Variants in STK35 observed in about 807,000 individuals in gnomAD.
The protein encoded by STK35 is serine/threonine-protein kinase 35.
In STK35, 17 loss-of-function variants were observed where a neutral mutation model predicts 37.3. That is an observed-to-expected ratio of 0.46 (90% CI 0.31 to 0.68). STK35 has a LOEUF of 0.68. STK35 is among the 30% of genes least tolerant of loss of function. The pLI is 0.05. For synonymous variants in STK35, 385 were observed against 319.1 expected, an observed-to-expected ratio of 1.21 and a Z score of -2.20; for missense variants, 595 against 746.7, an observed-to-expected ratio of 0.80 and a Z score of 2.37.
At position 2,117,120 on chromosome 20, in the gene STK35, A is replaced by G. The variant is rs1372973385; in HGVS notation, c.1347A>G (p.Glu449=). 1.2e-6 allele frequency: 2 copies of G among 1,613,816 alleles called. No individual in the cohort carries two copies. The highest frequency in any genetic ancestry group is 3.3e-5 in the Admixed American group (2 of 59,986). Residue 449 remains glutamate (E), a synonymous_variant, in exon 3 of 4, where the codon GAA becomes GAG. Coordinates refer to ENST00000381482, the MANE Select transcript of STK35 (RefSeq NM_080836.4). The surrounding 1 kb of genome is among the most constrained non-coding windows in gnomAD (Gnocchi z 4.4). ...ALGIIIWAMI[E]RITFIDSETK... ...GCATTATCATCTGGGCAATGATAGA[A>G]AGAATCACTTTTATTGACTCTGAGA...
chr20:2,121,552 A>T (rs562825857), intron 3 of STK35, among the ~76,000 whole-genome samples: 1 of 152,292 alleles, frequency 6.6e-6, no homozygotes, highest in South Asian at 2.1e-4. Flanking sequence ...TTAGAATCCA[A>T]CTACAGATGT....
intron 2 of STK35, among the ~76,000 whole-genome samples, chr20:2,111,212 C>G (rs76938250): frequency 2.2e-3 from 340 of 152,310 alleles, no homozygotes; most frequent in African/African-American, 7.4e-3. Flanking sequence ...CCATCGCCAA[C>G]CCCTCATGCC....
chr20:2,140,062 T>C (rs1475694074), intron 3 of STK35, among the ~76,000 whole-genome samples: 1 of 152,164 alleles, frequency 6.6e-6, no homozygotes, highest in Non-Finnish European at 1.5e-5. Flanking sequence ...GCAACTCTGG[T>C]GTGGGGCAAG....
At chr20:2,121,607 G>T (rs1568577298) in intron 3 of STK35, among the ~76,000 whole-genome samples, 1 of 152,186 alleles carries the variant, frequency 6.6e-6, no homozygotes, top group Non-Finnish European at 1.5e-5. Flanking sequence ...GAGGGGTCCA[G>T]CCTAGAGATA....
chr20:2,129,734 G>T lies in STK35; in HGVS notation c.*37+12319G>T, dbSNP rs576486720. Among the ~76,000 whole-genome samples, 4 of 152,254 alleles carry T rather than the reference G, an allele frequency of 2.6e-5. No homozygotes were observed. The South Asian group carries it at 8.3e-4, about 32-fold the overall frequency. ...AGAAAATAGCAGAAAATGAGGACCT[G>T]CCCAAGGCGGTCAGAGAAAGGCTCT... On this transcript the variant is annotated intron_variant, in intron 3 of 3. Transcript: ENST00000381482.
chr20:2,142,303 A>G (rs6112979), intron 3 of STK35, among the ~76,000 whole-genome samples: 49,801 of 151,716 alleles, frequency 0.33, 9,711 homozygotes, highest in East Asian at 0.92. Flanking sequence ...AGGCCAACAG[A>G]CAGTAAATTA....
At chr20:2,141,239 G>T (rs376020249) in intron 3 of STK35, among the ~76,000 whole-genome samples, 3 of 152,174 alleles carry the variant, frequency 2.0e-5, no homozygotes, top group African/African-American at 7.2e-5. Flanking sequence ...CAGGGAATAT[G>T]TTTATGATGA....
intron 3 of STK35, among the ~76,000 whole-genome samples, chr20:2,125,779 C>T (rs1053731980): frequency 5.9e-5 from 9 of 152,182 alleles, no homozygotes; most frequent in African/African-American, 1.4e-4. Flanking sequence ...CCCATATAAC[C>T]GAGGTCTGGC....
chr20:2,137,390 G>A (rs559632731), intron 3 of STK35, among the ~76,000 whole-genome samples: 1 of 152,296 alleles, frequency 6.6e-6, no homozygotes, highest in African/African-American at 2.4e-5. Context: ...TGCATTTGGG[G>A]CCTGCCCCTG....
intron 2 of STK35, among the ~76,000 whole-genome samples, chr20:2,112,503 A>T (rs1985638494): frequency 6.6e-6 from 1 of 152,170 alleles, no homozygotes; most frequent in African/African-American, 2.4e-5. Flanking sequence ...CTCTCTTGGA[A>T]GAACACTTTT....
intron 2 of STK35, among the ~76,000 whole-genome samples, chr20:2,115,442 CT>C (rs568899393): frequency 1.0e-3 from 152 of 152,216 alleles, no homozygotes; most frequent in Non-Finnish European, 1.5e-3. Context: ...TCTTCAGGTC[CT>C]GGCTCAGTTA....
In STK35 at chr20:2,144,174, T is replaced by A. The variant is rs142175989; in HGVS notation, c.*428T>A. The A allele has an allele frequency of 1.3e-5, 4 of 300,366 alleles. No homozygotes were observed. In the East Asian group the frequency reaches 5.4e-4, roughly 41 times the overall value. 18.6% of individuals were successfully genotyped at this position (300,366 alleles called of 1,614,324 possible). A position where few individuals can be genotyped will look rare whatever the true frequency, so the allele number is the denominator to read the frequency against. On this transcript the variant is annotated 3_prime_UTR_variant, in exon 4 of 4. Coordinates refer to ENST00000381482, the MANE Select transcript of STK35 (RefSeq NM_080836.4). ...TCTGTCTTCCTTCTTTATACTTTTC[T>A]CAGTTCTACTTATGACACCTCACTT...
rs1282493909 is a variant in STK35, at chr20:2,103,001, G to GGCGGCCGAGGCC, written c.529_540dup (p.Ala177_Ala180dup). On this transcript the variant is annotated inframe_insertion, in exon 2 of 4. Coordinates refer to ENST00000381482, the MANE Select transcript of STK35 (RefSeq NM_080836.4). The stretch of plus-strand genomic sequence containing the variant: ...CGGCGGCCCGGGCCATGGATCCGGT[G>GGCGGCCGAGGCC]GCGGCCGAGGCCCCGGGCGAGGCCT... 1 of 1,420,224 alleles carries GGCGGCCGAGGCC rather than the reference G, an allele frequency of 7.0e-7. No individual in the cohort carries two copies. The highest frequency in any genetic ancestry group is 9.1e-7 in the Non-Finnish European group (1 of 1,097,754). The allele number at this position is 1,420,224 out of a possible 1,614,324, so 88.0% of individuals were successfully genotyped here. A position where few individuals can be genotyped will look rare whatever the true frequency, so the allele number is the denominator to read the frequency against.
rs1985424129 is a variant in STK35 at position 2,102,810 on chromosome 20, C to G, written c.337C>G (p.Arg113Gly). 5 of 1,508,158 alleles carry G rather than the reference C, an allele frequency of 3.3e-6. No individual in the cohort carries two copies. Among genetic ancestry groups the G allele is most frequent in the Non-Finnish European group, 4.4e-6 (5 of 1,133,348 alleles). The allele number at this position is 1,508,158 out of a possible 1,614,324, so 93.4% of individuals were successfully genotyped here. A position where few individuals can be genotyped will look rare whatever the true frequency, so the allele number is the denominator to read the frequency against. Residue 113 changes from arginine (R) to glycine (G), a missense_variant, in exon 2 of 4, where the codon CGG (arginine) becomes GGG (glycine). By Grantham distance (125) the Arg-to-Gly change is moderately radical. This residue lies in a region of STK35 where 389 missense variants were observed against 320.0 expected (regional missense o/e 1.22). Transcript: ENST00000381482. ...GGCTCCTCCGCGTCCCAGGGCCGGACGGAGGGATGAGGCAGGGGGGGCCCG... is the reference window on the plus strand; with the variant it reads ...GGCTCCTCCGCGTCCCAGGGCCGGAGGGAGGGATGAGGCAGGGGGGGCCCG... ...GPAPPRPRAGRRDEAGGARAA... is the reference protein window; with the variant it reads ...GPAPPRPRAGGRDEAGGARAA...
In STK35 at chr20:2,117,393, C is replaced by A; in HGVS notation, c.*15C>A. ...GTGCTGCTTAAAATTCAGGGCTAAG[C>A]ATTTTGGGTGATTTTAAACTAGGTG... On this transcript the variant is annotated 3_prime_UTR_variant, in exon 3 of 4. Transcript: ENST00000381482. The surrounding 1 kb of genome is among the most constrained non-coding windows in gnomAD (Gnocchi z 4.4). 1 of 1,570,958 alleles carries A rather than the reference C, an allele frequency of 6.4e-7. No homozygotes were observed. Among genetic ancestry groups the A allele is most frequent in the Non-Finnish European group, 8.7e-7 (1 of 1,155,436 alleles).
In STK35 at chr20:2,144,619, A is replaced by G. The variant is rs1264526621; in HGVS notation, c.*873A>G. On this transcript the variant is annotated 3_prime_UTR_variant, in exon 4 of 4. Coordinates refer to ENST00000381482, the MANE Select transcript of STK35 (RefSeq NM_080836.4). ...TCTGTTGGGAAAAACTGTTGTGCCA[A>G]ACTCTTGTGTGGAACACAGCTGGGT... 1.3e-5 allele frequency: 2 copies of G among 152,910 alleles called. No individual in the cohort carries two copies. The highest frequency in any genetic ancestry group is 2.9e-5 in the Non-Finnish European group (2 of 68,186). The allele number at this position is 152,910 out of a possible 1,614,324, so 9.5% of individuals were successfully genotyped here. A position where few individuals can be genotyped will look rare whatever the true frequency, so the allele number is the denominator to read the frequency against.
Position 2,103,322 on chromosome 20 carries a change from G to T in STK35, c.849G>T (p.Lys283Asn). 1 of 1,612,912 alleles carries T rather than the reference G, an allele frequency of 6.2e-7. No individual in the cohort carries two copies. Residue 283 changes from lysine (K) to asparagine (N), a missense_variant, in exon 2 of 4, where the codon AAG (lysine) becomes AAT (asparagine). By Grantham distance (94) the Lys-to-Asn change is moderately conservative. Transcript: ENST00000381482. ...CCCAGCGCATGAGTCACGGCAACAAGAGCTCGCAGCTTTACCTGCGCCTGG... is the reference window on the plus strand; with the variant it reads ...CCCAGCGCATGAGTCACGGCAACAATAGCTCGCAGCTTTACCTGCGCCTGG... Reference protein sequence around the residue: ...GLAQRMSHGNKSSQLYLRLVE... With the variant: ...GLAQRMSHGNNSSQLYLRLVE...
intron 3 of STK35, among the ~76,000 whole-genome samples, chr20:2,127,257 T>TTTG (rs1568578925): frequency 7.1e-6 from 1 of 141,746 alleles, no homozygotes; most frequent in Non-Finnish European, 1.6e-5. Flanking sequence ...CACCCCTTTG[T>TTTG]TTTTTTTTTT....
Position 2,102,089 on chromosome 20 carries a change from A to G in STK35, c.208A>G (p.Arg70Gly). ...CACCTCCCGCGCTGCTCGGTCCCGG[A>G]GGCAGCCCGGGCCCGGAGCGGACCA... ...AATSRAARSR[R>G]QPGPGADHPQ... is the part of the protein sequence containing the mutation. The change falls in exon 1 of 4, where the codon AGG becomes GGG. Residue 70 changes from arginine (R) to glycine (G), a missense_variant. Around this residue, in one of 3 missense-constraint regions of STK35, gnomAD observed 389 missense variants for 320.0 expected, o/e 1.22. Coordinates refer to ENST00000381482, the MANE Select transcript of STK35 (RefSeq NM_080836.4). The G allele has an allele frequency of 6.7e-7, 1 of 1,494,122 alleles. No individual in the cohort carries two copies. The allele number at this position is 1,494,122 out of a possible 1,614,324, so 92.6% of individuals were successfully genotyped here.
Sources: allele counts gnomAD v4.1 joint callset (sites outside exome capture counted in the v4.1 genomes callset), GRCh38; gene constraint gnomAD v4.1.1; regional missense constraint gnomAD v4.1.1; non-coding constraint Gnocchi (gnomAD v3.1); transcripts MANE v1.5; gene names NCBI Gene and HGNC (gene_info 2026-07-23, HGNC 2026-07-21).